The following POFUT3 variants were observed in gnomAD, a reference collection of about 807,000 sequenced individuals.
POFUT3 encodes GDP-fucose protein O-fucosyltransferase 3.
At chr8:33,333,673 C>A in the POFUT3 span, among the ~76,000 whole-genome samples, 2 of 152,142 alleles carry the variant, frequency 1.3e-5, no homozygotes, top group South Asian at 4.2e-4. Flanking sequence ...GGGAGCTGAA[C>A]ACTGAATATA....
chr8:33,341,627 A>G, the POFUT3 span, among the ~76,000 whole-genome samples: 2 of 152,130 alleles, frequency 1.3e-5, no homozygotes, highest in African/African-American at 2.4e-5. Context: ...AGGTGGGGGA[A>G]AGCCTGAGAT....
the POFUT3 span, among the ~76,000 whole-genome samples, chr8:33,374,041 G>A: frequency 6.6e-6 from 1 of 152,190 alleles, no homozygotes; most frequent in African/African-American, 2.4e-5. Context: ...GAACCGGGCT[G>A]CAGAGCAGGA....
At chr8:33,423,259 T>C in the POFUT3 span, among the ~76,000 whole-genome samples, 5 of 138,540 alleles carry the variant, frequency 3.6e-5, no homozygotes, top group African/African-American at 1.4e-4. Context: ...TAAATCAAGA[T>C]GACAATTCTT....
the POFUT3 span, among the ~76,000 whole-genome samples, chr8:33,369,316 T>A: frequency 3.3e-5 from 5 of 152,342 alleles, no homozygotes; most frequent in Middle Eastern, 3.4e-3. Flanking sequence ...ACTAGATTAT[T>A]TCTTAGAGTC....
the POFUT3 span, among the ~76,000 whole-genome samples, chr8:33,443,418 G>C: frequency 6.6e-6 from 1 of 152,152 alleles, no homozygotes; most frequent in Non-Finnish European, 1.5e-5. Context: ...AACGCTTTCA[G>C]GTGTTTCATC....
At chr8:33,324,783 T>C in the POFUT3 span, among the ~76,000 whole-genome samples, 3 of 151,568 alleles carry the variant, frequency 2.0e-5, no homozygotes, top group South Asian at 2.1e-4. Context: ...ATGTAATAGA[T>C]GAATTTGGAA....
chr8:33,444,190 A>T, the POFUT3 span, among the ~76,000 whole-genome samples: 1 of 152,132 alleles, frequency 6.6e-6, no homozygotes, highest in East Asian at 1.9e-4. Context: ...GAGGGAGGGA[A>T]GCACTATGTC....
the POFUT3 span, among the ~76,000 whole-genome samples, chr8:33,429,074 G>C: frequency 6.6e-6 from 1 of 152,132 alleles, no homozygotes; most frequent in Non-Finnish European, 1.5e-5. Flanking sequence ...AATATGTTGT[G>C]TACTTTACAT....
At chr8:33,321,213 C>T in the POFUT3 span, among the ~76,000 whole-genome samples, 7 of 152,116 alleles carry the variant, frequency 4.6e-5, no homozygotes, top group Non-Finnish European at 7.4e-5. Context: ...GGCAGCAATT[C>T]TCTTCCAATT....
the POFUT3 span, among the ~76,000 whole-genome samples, chr8:33,446,456 C>A: frequency 2.7e-4 from 37 of 138,434 alleles, no homozygotes; most frequent in Middle Eastern, 3.6e-3. Flanking sequence ...GATCCTATTA[C>A]AAAAAAAAAA....
At chr8:33,371,449 T>G in the POFUT3 span, 1 of 152,178 alleles carries the variant, frequency 6.6e-6, no homozygotes, top group Non-Finnish European at 1.5e-5. Flanking sequence ...GACACAGACA[T>G]GAGCATCACA....
At chr8:33,378,595 T>C in the POFUT3 span, among the ~76,000 whole-genome samples, 1 of 152,074 alleles carries the variant, frequency 6.6e-6, no homozygotes, top group Non-Finnish European at 1.5e-5. Context: ...ACTCCCAACA[T>C]AAGTTTACTG....
the POFUT3 span, among the ~76,000 whole-genome samples, chr8:33,446,010 C>T: frequency 1.2e-3 from 178 of 152,254 alleles, 3 homozygotes; most frequent in East Asian, 0.029. Flanking sequence ...ATGTCCTGTG[C>T]CTTCATTCTC....
chr8:33,458,903 G>T, the POFUT3 span, among the ~76,000 whole-genome samples: 1 of 152,244 alleles, frequency 6.6e-6, no homozygotes, highest in Non-Finnish European at 1.5e-5. Flanking sequence ...GCACCATATT[G>T]TCTGCCAAAG....
At chr8:33,420,543 T>G in the POFUT3 span, among the ~76,000 whole-genome samples, 1 of 152,202 alleles carries the variant, frequency 6.6e-6, no homozygotes, top group East Asian at 1.9e-4. Flanking sequence ...ATGAAAAGTT[T>G]CAATTATAAC....
chr8:33,446,989 AG>A, the POFUT3 span, among the ~76,000 whole-genome samples: 1 of 152,196 alleles, frequency 6.6e-6, no homozygotes, highest in African/African-American at 2.4e-5. Context: ...TCTGAAACAA[AG>A]GAAGCATCGA....
the POFUT3 span, among the ~76,000 whole-genome samples, chr8:33,419,085 G>A: frequency 6.6e-6 from 1 of 152,258 alleles, no homozygotes; most frequent in East Asian, 1.9e-4. Flanking sequence ...GTTGGGGGTG[G>A]GGTGGATAAA....
chr8:33,409,911 T>C, the POFUT3 span, among the ~76,000 whole-genome samples: 6 of 146,488 alleles, frequency 4.1e-5, no homozygotes, highest in Non-Finnish European at 9.1e-5. Flanking sequence ...CCTCAAAAAA[T>C]AAAAAAAAAA....
At chr8:33,375,740 G>A in the POFUT3 span, among the ~76,000 whole-genome samples, 1 of 152,166 alleles carries the variant, frequency 6.6e-6, no homozygotes, top group African/African-American at 2.4e-5. Flanking sequence ...AAATAGGCCA[G>A]GTGTGGTGGC....
Sources: allele counts gnomAD v4.1 joint callset (sites outside exome capture counted in the v4.1 genomes callset), GRCh38; gene constraint gnomAD v4.1.1; transcripts MANE v1.5; gene names NCBI Gene and HGNC (gene_info 2026-07-23, HGNC 2026-07-21).